COMT: variants seen among roughly 807,000 people sequenced by gnomAD.
The protein encoded by COMT is catechol-O-methyltransferase, also known as catechol O-methyltransferase.
In COMT, 13 loss-of-function variants were observed where a neutral mutation model predicts 18.9. The observed-to-expected ratio is 0.69, with a 90% CI of 0.45 to 1.09. The LOEUF is 1.09. Ranked by LOEUF, COMT falls within the 50% of genes least tolerant of loss-of-function variation. COMT has a pLI of 0.00. For synonymous variants in COMT, 150 were observed against 160.9 expected (o/e 0.93, Z 0.51); for missense variants, 329 against 361.8 (o/e 0.91, Z 0.73).
intron 1 of COMT, among the ~76,000 whole-genome samples, chr22:19,944,817 G>A (rs187119821): frequency 6.5e-4 from 98 of 151,802 alleles, no homozygotes; most frequent in Non-Finnish European, 8.4e-4. Flanking sequence ...GCAAGACTGC[G>A]TCTCAAAAAC....
intron 5 of COMT, among the ~76,000 whole-genome samples, chr22:19,965,811 G>A (rs1383187478): frequency 1.3e-5 from 2 of 151,734 alleles, no homozygotes; most frequent in South Asian, 2.1e-4. Context: ...GGCCAAGGGG[G>A]TGGGCATTGG....
chr22:19,966,436 TAAAAAAAA>T (rs362115), intron 5 of COMT, among the ~76,000 whole-genome samples: 2 of 135,304 alleles, frequency 1.5e-5, no homozygotes, highest in Admixed American at 7.5e-5. Flanking sequence ...AGTTCCCCCT[TAAAAAAAA>T]AAAAAAAAAA....
chr22:19,968,139 C>A (rs1311136849), intron 5 of COMT, among the ~76,000 whole-genome samples: 1 of 152,208 alleles, frequency 6.6e-6, no homozygotes, highest in African/African-American at 2.4e-5. Context: ...AGGGACCATA[C>A]CAGCAACCCC....
In COMT at chr22:19,950,261, T is replaced by TTTTTG. The variant is rs763598655; in HGVS notation, c.-92+8366_-92+8367insTTGTT. Among the ~76,000 whole-genome samples the TTTTTG allele has an allele frequency of 4.8e-3, 638 of 132,558 alleles. 3 individuals are homozygous for TTTTTG. The highest frequency in any genetic ancestry group is 7.9e-3 in the Non-Finnish European group (482 of 60,672). The allele number at this position is 132,558 out of a possible 152,430, so 87.0% of individuals were successfully genotyped here. A position where few individuals can be genotyped will look rare whatever the true frequency, so the allele number is the denominator to read the frequency against. On this transcript the variant is annotated intron_variant, in intron 1 of 5. Coordinates refer to ENST00000361682, the MANE Select transcript of COMT (RefSeq NM_000754.4). The stretch of plus-strand genomic sequence containing the variant: ...CTTTTCTTTTTTTTTTTTTTTTTTT[T>TTTTTG]TTCTGTAGAGACAAGGTCTTGCTGT...
intron 1 of COMT, among the ~76,000 whole-genome samples, chr22:19,959,335 A>T (rs962842728): frequency 2.0e-5 from 3 of 152,258 alleles, no homozygotes; most frequent in Non-Finnish European, 2.9e-5. Context: ...GAAACTGGGC[A>T]GTGGCCGGTG....
intron 4 of COMT, 102 bp downstream of exon 4, chr22:19,963,861 C>T: frequency 1.4e-6 from 2 of 1,403,830 alleles, no homozygotes; most frequent in Non-Finnish European, 2.0e-6. Flanking sequence ...ACACCACGTT[C>T]ACTGAAAACC....
At chr22:19,945,944 C>T (rs972623722) in intron 1 of COMT, among the ~76,000 whole-genome samples, 1 of 152,130 alleles carries the variant, frequency 6.6e-6, no homozygotes, top group African/African-American at 2.4e-5. Flanking sequence ...GGATTACAGG[C>T]GTGAGCCACC....
chr22:19,968,745 C>CG lies in COMT; in HGVS notation c.*9_*10insG. The CG allele has an allele frequency of 1.2e-6, 2 of 1,608,706 alleles. No individual in the cohort carries two copies. Among genetic ancestry groups the CG allele is most frequent in the Non-Finnish European group, 1.7e-6 (2 of 1,179,460 alleles). ...GCGAAGCAGGGCCCTGACTGCCCCC[C>CG]CGGCCCCCCTCTCGGGCTCTCTCAC... On this transcript the variant is annotated 3_prime_UTR_variant, in exon 6 of 6. Transcript: ENST00000361682.
chr22:19,947,510 G>T (rs1212095276), intron 1 of COMT, among the ~76,000 whole-genome samples: 3 of 151,796 alleles, frequency 2.0e-5, no homozygotes, highest in African/African-American at 7.3e-5. Flanking sequence ...CATGGGTCAC[G>T]TGTCCACTGG....
chr22:19,943,266 C>T (rs1941775385), intron 1 of COMT, among the ~76,000 whole-genome samples: 1 of 152,176 alleles, frequency 6.6e-6, no homozygotes, highest in Non-Finnish European at 1.5e-5. Flanking sequence ...GTGTTGTGTT[C>T]ATAAACTACC....
chr22:19,963,969 A>G, intron 4 of COMT, 199 bp from the exon 5 acceptor site: 1 of 1,217,402 alleles, frequency 8.2e-7, no homozygotes, highest in South Asian at 1.3e-5. Context: ...TAAACTGCCA[A>G]GGTGGCACCA....
intron 1 of COMT, among the ~76,000 whole-genome samples, chr22:19,957,689 T>C (rs1490907331): frequency 6.6e-6 from 1 of 152,234 alleles, no homozygotes; most frequent in Non-Finnish European, 1.5e-5. Context: ...GTGGCAAGCA[T>C]GTGCAGGTGC....
intron 5 of COMT, 111 bp from the exon 6 acceptor site, chr22:19,968,425 C>A: frequency 9.3e-7 from 1 of 1,072,124 alleles, no homozygotes; most frequent in Non-Finnish European, 1.4e-6. Flanking sequence ...GCCCCAGGGG[C>A]TAGGCACAGG....
rs761850766 is a variant in COMT at position 19,968,519 on chromosome 22, C to A, written c.616-17C>A. 6.2e-7 allele frequency: 1 copy of A among 1,612,116 alleles called. No individual in the cohort carries two copies. Among genetic ancestry groups the A allele is most frequent in the South Asian group, 1.1e-5 (1 of 90,736 alleles). On this transcript the variant is annotated splice_polypyrimidine_tract_variant and intron_variant, in intron 5 of 5. Transcript: ENST00000361682. ...ACCTCTGACCCTCACCTCCCCCACC[C>A]CCCGGTCTGTTTGCAGGAATGTGGC...
At chr22:19,946,910 G>GGTTTTTTTTTTTTTTTTTTTTTTTTT (rs763607822) in intron 1 of COMT, among the ~76,000 whole-genome samples, 1 of 117,120 alleles carries the variant, frequency 8.5e-6, no homozygotes, top group African/African-American at 3.4e-5. Context: ...TTTTTTTTTA[G>GGTTTTTTTTTTTTTTTTTTTTTTTTT]TTTTTTTTTT....
intron 1 of COMT, among the ~76,000 whole-genome samples, chr22:19,955,935 G>A (rs753896603): frequency 4.6e-5 from 7 of 152,066 alleles, no homozygotes; most frequent in Admixed American, 6.5e-5. Flanking sequence ...CTTTCTCTCC[G>A]TGGCCCCTGG....
rs768425882 is a variant in COMT, at chr22:19,968,763, T to C, written c.*27T>C. Reference sequence around the variant, plus strand: ...TGCCCCCCCGGCCCCCCTCTCGGGCTCTCTCACCCAGCCTGGTACTGAAGG... The same window carrying C: ...TGCCCCCCCGGCCCCCCTCTCGGGCCCTCTCACCCAGCCTGGTACTGAAGG... On this transcript the variant is annotated 3_prime_UTR_variant, in exon 6 of 6. Transcript: ENST00000361682. The C allele has an allele frequency of 5.6e-6, 9 of 1,596,980 alleles. No individual in the cohort carries two copies. Among genetic ancestry groups the C allele is most frequent in the Admixed American group, 1.7e-5 (1 of 59,286 alleles).
intron 2 of COMT, chr22:19,962,019 G>A (rs142999195): frequency 1.6e-4 from 30 of 185,686 alleles, no homozygotes; most frequent in Non-Finnish European, 3.1e-4. Flanking sequence ...CAATGAAAAG[G>A]CCACATGAAT....
intron 1 of COMT, among the ~76,000 whole-genome samples, chr22:19,942,569 A>G (rs886122931): frequency 3.3e-5 from 5 of 152,062 alleles, no homozygotes; most frequent in Admixed American, 3.3e-4. Flanking sequence ...CTGCTAACAG[A>G]CCTGCTTTTT....
Sources: gnomAD v4.1 joint callset for allele counts (sites outside exome capture counted in the v4.1 genomes callset) on GRCh38, gnomAD v4.1.1 for gene constraint, MANE v1.5 for transcripts, NCBI Gene and HGNC (gene_info 2026-07-23, HGNC 2026-07-21) for gene names.